Variants in MBP observed in about 807,000 individuals in gnomAD.
The protein encoded by MBP is myelin basic protein.
A neutral mutation model predicts 35.8 loss-of-function variants in MBP; 16 were observed. That is an observed-to-expected ratio of 0.45 (90% CI 0.30 to 0.68). The LOEUF is 0.68. MBP is among the 30% of genes least tolerant of loss of function. The probability of loss-of-function intolerance (pLI) is 0.08; values close to 1 mark genes in which losing one functional copy is unlikely to be tolerated. For synonymous variants in MBP, 143 were observed against 159.6 expected, an observed-to-expected ratio of 0.90 and a Z score of 0.78; for missense variants, 380 against 404.7, an observed-to-expected ratio of 0.94 and a Z score of 0.52.
At chr18:77,111,718 A>C (rs1055336352) in intron 1 of MBP, among the ~76,000 whole-genome samples, 2 of 152,204 alleles carry the variant, frequency 1.3e-5, no homozygotes, top group African/African-American at 2.4e-5. Flanking sequence ...TGGCAGGCTC[A>C]GTAAGAGCTG....
chr18:77,124,182 C>A (rs76886035), intron 1 of MBP, among the ~76,000 whole-genome samples: 4,725 of 152,272 alleles, frequency 0.031, 386 homozygotes, highest in East Asian at 0.18. Flanking sequence ...CTGCCTCCCC[C>A]TCATCTCTGC....
intron 1 of MBP, among the ~76,000 whole-genome samples, chr18:77,129,781 G>A (rs1281061865): frequency 1.3e-5 from 2 of 152,178 alleles, no homozygotes; most frequent in Non-Finnish European, 2.9e-5. Context: ...TGTAATCCCA[G>A]CACTTTGGGA....
chr18:77,029,468 G>C (rs1415076715), intron 3 of MBP, among the ~76,000 whole-genome samples: 4 of 133,690 alleles, frequency 3.0e-5, no homozygotes, highest in African/African-American at 1.1e-4. Context: ...GAGGGGGAGA[G>C]GGACCCCAGC....
At chr18:77,127,063 A>C (rs529911750) in intron 1 of MBP, among the ~76,000 whole-genome samples, 1 of 152,362 alleles carries the variant, frequency 6.6e-6, no homozygotes, top group Admixed American at 6.5e-5. Context: ...CCCAGAACCT[A>C]CAATAGCTAA....
intron 4 of MBP, chr18:77,002,836 A>G (rs981161411): frequency 2.1e-4 from 32 of 152,270 alleles, no homozygotes; most frequent in African/African-American, 7.7e-4. Context: ...GGAAAAGGGA[A>G]GGGAGAAGAA....
intron 3 of MBP, among the ~76,000 whole-genome samples, chr18:77,041,047 G>A (rs1246604): frequency 1 from 152,047 of 152,164 alleles, 75,965 homozygotes; most frequent in Non-Finnish European, 1. Context: ...GAAAGGGCTA[G>A]TATCCAGAAT....
At position 77,131,028 on chromosome 18, in the gene MBP, A is replaced by C. The variant is rs879303468; in HGVS notation, c.-26+1552T>G. ...CCTCAGATTTCTGTTTTTCCCACAAAAAAAAAAAAAAAACAAAACCTCAAA... is the reference window on the plus strand; with the variant it reads ...CCTCAGATTTCTGTTTTTCCCACAACAAAAAAAAAAAAACAAAACCTCAAA... On this transcript the variant is annotated intron_variant, in intron 1 of 8. Transcript: ENST00000355994. This position sits in a 1 kb window ranked among gnomAD's most constrained non-coding sequence, Gnocchi z 5.5. Among the ~76,000 whole-genome samples the C allele has an allele frequency of 0.27, 39,205 of 147,634 alleles. 5,464 individuals carry two copies. The highest frequency in any genetic ancestry group is 0.36 in the Middle Eastern group (104 of 288).
intron 1 of MBP, chr18:77,114,969 C>T (rs532063868): frequency 1.3e-5 from 2 of 152,538 alleles, no homozygotes; most frequent in South Asian, 2.1e-4. Context: ...GGGCCCTGAC[C>T]TCCTTATCTG....
At chr18:77,016,311 A>G in intron 4 of MBP, 1 of 987,112 alleles carries the variant, frequency 1.0e-6, no homozygotes, top group Non-Finnish European at 1.2e-6. Context: ...ACCACAGAGA[A>G]CGTTTGCTCA....
intron 2 of MBP, among the ~76,000 whole-genome samples, chr18:77,080,589 A>T (rs1291284053): frequency 6.6e-6 from 1 of 152,274 alleles, no homozygotes; most frequent in Non-Finnish European, 1.5e-5. Flanking sequence ...TGGTCTAGAC[A>T]CAGGAGTACT....
At chr18:76,992,228 C>G (rs971180545) in intron 4 of MBP, among the ~76,000 whole-genome samples, 2 of 152,126 alleles carry the variant, frequency 1.3e-5, no homozygotes, top group African/African-American at 4.8e-5. Context: ...GGTAGGGGAA[C>G]GTTTTTGGGA....
At chr18:77,039,385 A>G (rs1025850499) in intron 3 of MBP, among the ~76,000 whole-genome samples, 1 of 152,244 alleles carries the variant, frequency 6.6e-6, no homozygotes, top group South Asian at 2.1e-4. Flanking sequence ...CTCTAGGTGT[A>G]TGAAGCCAGG....
chr18:77,129,633 T>C (rs1200394558), intron 1 of MBP, among the ~76,000 whole-genome samples: 1 of 151,964 alleles, frequency 6.6e-6, no homozygotes, highest in Non-Finnish European at 1.5e-5. Context: ...GCCTGTGGCA[T>C]GAGCACTCTT....
upstream of MBP, chr18:77,132,953 C>A (rs1599303466): frequency 6.6e-6 from 1 of 151,862 alleles, no homozygotes; most frequent in Non-Finnish European, 1.5e-5. Flanking sequence ...GCTCTGCCCA[C>A]GCGGAACTTG....
At position 76,988,729 on chromosome 18, in the gene MBP, G is replaced by T; in HGVS notation, c.717+148C>A. 1 of 1,312,270 alleles carries T rather than the reference G, an allele frequency of 7.6e-7. No individual in the cohort carries two copies. The highest frequency in any genetic ancestry group is 1.4e-5 in the South Asian group (1 of 73,632). 81.3% of individuals were successfully genotyped at this position (1,312,270 alleles called of 1,614,324 possible). Reference sequence around the variant, plus strand: ...GACAGGAGGGGTGCATGGATCTGCCGACCTGTTCTACTTGGGAGCTGCCTG... The same window carrying T: ...GACAGGAGGGGTGCATGGATCTGCCTACCTGTTCTACTTGGGAGCTGCCTG... On this transcript the variant is annotated intron_variant, in intron 6 of 8. Transcript: ENST00000355994. This position sits in a 1 kb window ranked among gnomAD's most constrained non-coding sequence, Gnocchi z 5.2.
intron 7 of MBP, chr18:76,987,719 C>T: frequency 1.0e-6 from 1 of 995,146 alleles, no homozygotes. Context: ...GTTATTCCTC[C>T]ATTTTATTCT....
At chr18:77,095,868 C>G (rs942536468) in intron 2 of MBP, among the ~76,000 whole-genome samples, 2 of 152,212 alleles carry the variant, frequency 1.3e-5, no homozygotes, top group Non-Finnish European at 2.9e-5. Context: ...GCCATGTGCA[C>G]GCACCATTTG....
intron 7 of MBP, chr18:76,987,667 CAGT>C (rs1172793060): frequency 1.0e-6 from 1 of 989,796 alleles, no homozygotes; most frequent in Non-Finnish European, 1.2e-6. Context: ...GAGAGCATTG[CAGT>C]TTCGGAGACA....
intron 1 of MBP, among the ~76,000 whole-genome samples, chr18:77,128,114 C>A (rs992170732): frequency 6.6e-6 from 1 of 152,182 alleles, no homozygotes; most frequent in Non-Finnish European, 1.5e-5. Context: ...TTTGCAATAA[C>A]CAAAACCTGG....
Sources: allele counts gnomAD v4.1 joint callset (sites outside exome capture counted in the v4.1 genomes callset), GRCh38; gene constraint gnomAD v4.1.1; non-coding constraint Gnocchi (gnomAD v3.1); transcripts MANE v1.5; gene names NCBI Gene and HGNC (gene_info 2026-07-23, HGNC 2026-07-21).